Variants in INTS4 observed in about 807,000 individuals in gnomAD.
INTS4 encodes integrator complex subunit 4.
A neutral mutation model predicts 119.5 loss-of-function variants in INTS4; 70 were observed. The observed-to-expected ratio is 0.59, with a 90% CI of 0.48 to 0.71. The LOEUF (loss-of-function observed/expected upper bound fraction) is 0.71, where lower values mean the gene tolerates loss of function less well. Ranked by LOEUF, INTS4 falls within the 30% of genes least tolerant of loss-of-function variation. The probability of loss-of-function intolerance (pLI) is 0.00; values close to 1 mark genes in which losing one functional copy is unlikely to be tolerated. For missense variants in INTS4, 867 were observed against 1,173.2 expected, an observed-to-expected ratio of 0.74 and a Z score of 3.81; for synonymous variants, 316 against 419.6, an observed-to-expected ratio of 0.75 and a Z score of 3.02.
Position 77,994,488 on chromosome 11 carries a change from A to T in INTS4, c.54+102T>A, listed in dbSNP as rs1856820136. ...AGAGATTATCAACAAGTCAGCACTT[A>T]ACACGGGCGTATGGAGCCTCTTCTG... On this transcript the variant is annotated intron_variant, in intron 1 of 22. Transcript: ENST00000534064. 1.3e-5 allele frequency: 12 copies of T among 907,854 alleles called. No individual in the cohort carries two copies. In the South Asian group the frequency reaches 1.6e-4, roughly 12 times the overall value. 56.2% of individuals were successfully genotyped at this position (907,854 alleles called of 1,614,324 possible).
intron 8 of INTS4, among the ~76,000 whole-genome samples, chr11:77,951,873 C>G (rs1954204790): frequency 6.6e-6 from 1 of 152,166 alleles, no homozygotes. Context: ...AGACACTTCT[C>G]AAAAGAAGAC....
At position 77,921,339 on chromosome 11, in the gene INTS4, C is replaced by A; in HGVS notation, c.1764+1G>T. The A allele has an allele frequency of 1.2e-6, 2 of 1,612,674 alleles. No homozygotes were observed. Among genetic ancestry groups the A allele is most frequent in the South Asian group, 1.1e-5 (1 of 90,962 alleles). Reference sequence around the variant, plus strand: ...AAGGACAACAGATGTTTTCAACATACCCTCAAGGCAGGAACAAGATGAGAA... The same window carrying A: ...AAGGACAACAGATGTTTTCAACATAACCTCAAGGCAGGAACAAGATGAGAA... On this transcript the variant is annotated splice_donor_variant, in intron 14 of 22. Transcript: ENST00000534064. LOFTEE classifies it high-confidence loss of function.
intron 4 of INTS4, among the ~76,000 whole-genome samples, chr11:77,977,468 T>C (rs1386015415): frequency 6.6e-6 from 1 of 151,856 alleles, no homozygotes; most frequent in Non-Finnish European, 1.5e-5. Context: ...AATACTTATG[T>C]TAGCAAAAAA....
intron 19 of INTS4, among the ~76,000 whole-genome samples, chr11:77,893,847 T>G (rs1457452805): frequency 6.6e-6 from 1 of 151,848 alleles, no homozygotes; most frequent in African/African-American, 2.4e-5. Flanking sequence ...GAGCCAAGAC[T>G]GCACCACTGT....
chr11:77,928,734 A>G (rs1953572623), intron 10 of INTS4, among the ~76,000 whole-genome samples, 187 bp from the exon 11 acceptor site: 1 of 152,198 alleles, frequency 6.6e-6, no homozygotes, highest in African/African-American at 2.4e-5. Flanking sequence ...CTGTTGTCTC[A>G]GCTACTTGGG....
intron 18 of INTS4, among the ~76,000 whole-genome samples, chr11:77,896,269 A>T (rs190057192): frequency 4.1e-4 from 62 of 152,350 alleles, no homozygotes; most frequent in African/African-American, 1.1e-3. Flanking sequence ...TGGAAATAAA[A>T]CACATAATAA....
chr11:77,978,856 T>C (rs1856063851), intron 4 of INTS4, 140 bp downstream of exon 4: 7 of 561,490 alleles, frequency 1.2e-5, no homozygotes, highest in Non-Finnish European at 2.3e-5. Flanking sequence ...AAATACACTT[T>C]ATAACAAGTG....
chr11:77,945,649 C>T (rs1954030915), intron 8 of INTS4, among the ~76,000 whole-genome samples: 1 of 152,154 alleles, frequency 6.6e-6, no homozygotes, highest in South Asian at 2.1e-4. Context: ...CCCAACACCC[C>T]TGTTCCATAC....
chr11:77,883,344 A>T (rs1443408586), intron 22 of INTS4, among the ~76,000 whole-genome samples: 1 of 152,116 alleles, frequency 6.6e-6, no homozygotes, highest in Non-Finnish European at 1.5e-5. Context: ...TCTCCTTTGT[A>T]CTTGTATTCT....
intron 15 of INTS4, chr11:77,910,960 T>C (rs1030496400): frequency 1.6e-6 from 2 of 1,275,846 alleles, no homozygotes; most frequent in African/African-American, 1.5e-5. Flanking sequence ...AAATGGAAAC[T>C]GTGGGAAACC....
At chr11:77,897,508 A>AT (rs977241174) in intron 18 of INTS4, among the ~76,000 whole-genome samples, 35 of 148,454 alleles carry the variant, frequency 2.4e-4, no homozygotes, top group African/African-American at 6.0e-4. Flanking sequence ...TATTATTATT[A>AT]TTTTTTTTTT....
intron 4 of INTS4, among the ~76,000 whole-genome samples, chr11:77,971,773 AC>A (rs1855745990): frequency 6.6e-6 from 1 of 152,276 alleles, no homozygotes; most frequent in East Asian, 1.9e-4. Context: ...TTTTGGTGAA[AC>A]CCAATTTATT....
At chr11:77,989,044 C>A (rs563407578) in intron 2 of INTS4, among the ~76,000 whole-genome samples, 3 of 151,984 alleles carry the variant, frequency 2.0e-5, no homozygotes, top group African/African-American at 7.2e-5. Flanking sequence ...TAACTTTATT[C>A]ATTAGGGTTA....
In INTS4 at chr11:77,901,218, G is replaced by C. The variant is rs190433200; in HGVS notation, c.2228+203C>G. The C allele has an allele frequency of 1.4e-3, 911 of 639,734 alleles. 3 individuals are homozygous for C. The African/African-American group carries it at 0.015, about 11-fold the overall frequency. The allele number at this position is 639,734 out of a possible 1,614,324, so 39.6% of individuals were successfully genotyped here. A position where few individuals can be genotyped will look rare whatever the true frequency, so the allele number is the denominator to read the frequency against. ...ACCAGAGGGTTTTTAGCAAGGGAGA[G>C]ACACAATTGGATTTCCAAGGGTCTA... On this transcript the variant is annotated intron_variant, in intron 18 of 22. Coordinates refer to ENST00000534064, the MANE Select transcript of INTS4 (RefSeq NM_033547.4).
chr11:77,984,001 AAAGAT>A (rs2136652776), intron 2 of INTS4, among the ~76,000 whole-genome samples: 1 of 152,358 alleles, frequency 6.6e-6, no homozygotes, highest in Middle Eastern at 3.4e-3. Context: ...TGGCAAATGA[AAAGAT>A]AAGCAAAATA....
At chr11:77,908,375 C>T (rs1953012667) in intron 15 of INTS4, among the ~76,000 whole-genome samples, 1 of 150,528 alleles carries the variant, frequency 6.6e-6, no homozygotes, top group Non-Finnish European at 1.5e-5. Context: ...GTTGCCCAGA[C>T]TGGAGTACAG....
rs373703911 is a variant in INTS4, at chr11:77,949,228, T to C, written c.918+6714A>G. Among the ~76,000 whole-genome samples, 95 of 152,248 alleles carry C rather than the reference T, an allele frequency of 6.2e-4. 2 individuals are homozygous for C. Among genetic ancestry groups the C allele is most frequent in the African/African-American group, 2.3e-3 (94 of 41,558 alleles). ...ACATGGAAAGGCAAATATTGCATGA[T>C]CTAAGACTTAAACATAAGACCTAAA... On this transcript the variant is annotated intron_variant, in intron 8 of 22. Transcript: ENST00000534064.
At chr11:77,963,358 A>AC in intron 4 of INTS4, 1 of 379,478 alleles carries the variant, frequency 2.6e-6, no homozygotes, top group South Asian at 1.9e-5. Context: ...GTCTCAAAAA[A>AC]AAAAAAAAAA....
chr11:77,922,243 A>G (rs187430989), intron 13 of INTS4, 113 bp downstream of exon 13: 21,596 of 1,400,218 alleles, frequency 0.015, 141 homozygotes, highest in South Asian at 0.024. Flanking sequence ...AAAAAAAAAA[A>G]AAAGAAAGAA....
Sources: gnomAD v4.1 joint callset for allele counts (sites outside exome capture counted in the v4.1 genomes callset) on GRCh38, gnomAD v4.1.1 for gene constraint, MANE v1.5 for transcripts, NCBI Gene and HGNC (gene_info 2026-07-23, HGNC 2026-07-21) for gene names.